Variants in CENPP observed in about 807,000 individuals in gnomAD.
CENPP encodes the protein centromere protein P.
A neutral mutation model predicts 35.6 loss-of-function variants in CENPP; 24 were observed. The ratio of observed to expected loss-of-function variants is 0.67; its 90% CI spans 0.49 to 0.95. The LOEUF is 0.95. Among genes scored for constraint, CENPP ranks in the 40% least tolerant of loss-of-function variants. The pLI is 0.00. For missense variants in CENPP, 332 were observed against 345.3 expected, an observed-to-expected ratio of 0.96 and a Z score of 0.31; for synonymous variants, 120 against 125.5, an observed-to-expected ratio of 0.96 and a Z score of 0.29.
intron 5 of CENPP, among the ~76,000 whole-genome samples, chr9:92,432,153 G>A (rs776795828): frequency 2.0e-5 from 3 of 151,812 alleles, no homozygotes; most frequent in Non-Finnish European, 4.4e-5. Context: ...GGCAAAACCC[G>A]GTCTCTACTA....
At chr9:92,483,434 T>C (rs1845975538) in intron 5 of CENPP, among the ~76,000 whole-genome samples, 1 of 152,156 alleles carries the variant, frequency 6.6e-6, no homozygotes. Context: ...TTCATTGTGT[T>C]AGCCAGGATG....
chr9:92,535,086 C>T (rs540787921), intron 5 of CENPP, among the ~76,000 whole-genome samples: 2 of 152,158 alleles, frequency 1.3e-5, no homozygotes, highest in South Asian at 4.1e-4. Flanking sequence ...TGGAAACTAC[C>T]TCTCTTTCTT....
At chr9:92,397,782 G>A (rs1842950654) in intron 5 of CENPP, among the ~76,000 whole-genome samples, 2 of 152,120 alleles carry the variant, frequency 1.3e-5, no homozygotes, top group African/African-American at 4.8e-5. Flanking sequence ...TTTCTCCACA[G>A]ATAATACACA....
intron 5 of CENPP, chr9:92,466,418 T>G (rs41278697): frequency 6.2e-7 from 1 of 1,611,172 alleles, no homozygotes; most frequent in Non-Finnish European, 8.5e-7. Flanking sequence ...TTAACTTTAT[T>G]TTCATGAATT....
At chr9:92,415,933 A>G (rs1045140952) in intron 5 of CENPP, among the ~76,000 whole-genome samples, 2 of 145,088 alleles carry the variant, frequency 1.4e-5, no homozygotes, top group Non-Finnish European at 3.0e-5. Context: ...TTGTGGAGAA[A>G]GTGAGTAAAC....
chr9:92,522,522 C>G, intron 5 of CENPP: 1 of 1,470,108 alleles, frequency 6.8e-7, no homozygotes, highest in East Asian at 2.4e-5. Flanking sequence ...TTTCCCCATA[C>G]CATCTCTCAC....
chr9:92,470,857 AT>A, intron 5 of CENPP: 1 of 903,032 alleles, frequency 1.1e-6, no homozygotes, highest in Non-Finnish European at 1.7e-6. Context: ...AGAAATATAC[AT>A]TTTTTAAAAC....
At chr9:92,364,725 G>T (rs1841844073) in intron 4 of CENPP, among the ~76,000 whole-genome samples, 1 of 152,192 alleles carries the variant, frequency 6.6e-6, no homozygotes, top group African/African-American at 2.4e-5. Context: ...AGAATACAAT[G>T]ATGAACAAGA....
chr9:92,550,138 C>T (rs1849557127), intron 5 of CENPP, among the ~76,000 whole-genome samples: 1 of 152,152 alleles, frequency 6.6e-6, no homozygotes, highest in African/African-American at 2.4e-5. Context: ...TGGCTCACGC[C>T]TACAATCCTA....
intron 5 of CENPP, among the ~76,000 whole-genome samples, chr9:92,469,136 A>G (rs1428086568): frequency 1.3e-5 from 2 of 152,182 alleles, no homozygotes; most frequent in Non-Finnish European, 2.9e-5. Context: ...GCCTAAAGTT[A>G]GTGGGGTGGA....
rs1465001621 is a variant in CENPP, at chr9:92,517,565, A to C, written c.565-93749A>C. 8.2e-6 allele frequency: 11 copies of C among 1,345,082 alleles called. No homozygotes were observed. The South Asian group carries it at 1.4e-4, about 17-fold the overall frequency. The allele number at this position is 1,345,082 out of a possible 1,614,324, so 83.3% of individuals were successfully genotyped here. ...TTTCTATGTTAATCAGCATTTTGCC[A>C]ATATTTTAAGTACTCAGATCTGACT... is the stretch of plus-strand genomic sequence containing the variant. On this transcript the variant is annotated intron_variant, in intron 5 of 7. Transcript: ENST00000375587.
chr9:92,373,818 C>A (rs1211687152), intron 4 of CENPP, among the ~76,000 whole-genome samples: 1 of 152,150 alleles, frequency 6.6e-6, no homozygotes, highest in South Asian at 2.1e-4. Context: ...GAGTAAGACT[C>A]CATCTCAAAA....
At chr9:92,334,201 G>A (rs1447542167) in intron 2 of CENPP, among the ~76,000 whole-genome samples, 1 of 148,872 alleles carries the variant, frequency 6.7e-6, no homozygotes, top group Non-Finnish European at 1.5e-5. Context: ...GCTTACTGCA[G>A]CCTCTGCCTC....
chr9:92,349,433 C>T (rs1841388215), intron 4 of CENPP, among the ~76,000 whole-genome samples: 1 of 146,568 alleles, frequency 6.8e-6, no homozygotes, highest in Non-Finnish European at 1.5e-5. Flanking sequence ...GAGACGGAGT[C>T]TCGCCCTGTC....
At chr9:92,419,810 C>T (rs956996191) in intron 5 of CENPP, among the ~76,000 whole-genome samples, 1 of 152,250 alleles carries the variant, frequency 6.6e-6, no homozygotes, top group Middle Eastern at 3.4e-3. Flanking sequence ...AGTTTCCAAA[C>T]AAATCATTGC....
chr9:92,601,439 C>G (rs774486216), intron 5 of CENPP, among the ~76,000 whole-genome samples: 1 of 152,152 alleles, frequency 6.6e-6, no homozygotes, highest in Admixed American at 6.5e-5. Context: ...TTAGTTGTTA[C>G]TTCAAATGAT....
chr9:92,557,835 G>A (rs771102078), intron 5 of CENPP, among the ~76,000 whole-genome samples: 1 of 152,014 alleles, frequency 6.6e-6, no homozygotes, highest in Admixed American at 6.6e-5. Context: ...AGTAGAGACG[G>A]GATTTCAACA....
At chr9:92,469,292 T>G (rs1845423930) in intron 5 of CENPP, among the ~76,000 whole-genome samples, 1 of 152,190 alleles carries the variant, frequency 6.6e-6, no homozygotes, top group African/African-American at 2.4e-5. Context: ...CTGCACACTT[T>G]GAAAGTGAAA....
chr9:92,517,349 T>C, intron 5 of CENPP: 1 of 459,880 alleles, frequency 2.2e-6, no homozygotes, highest in South Asian at 2.6e-5. Flanking sequence ...ATAATGCACA[T>C]ATAGACCAAA....
Sources: allele counts gnomAD v4.1 joint callset (sites outside exome capture counted in the v4.1 genomes callset), GRCh38; gene constraint gnomAD v4.1.1; transcripts MANE v1.5; gene names NCBI Gene and HGNC (gene_info 2026-07-23, HGNC 2026-07-21).